Variants in SPRY3 observed in about 807,000 individuals in gnomAD.
SPRY3 encodes the protein protein sprouty homolog 3.
Under a neutral mutation model 20.2 loss-of-function variants are expected in SPRY3, and 15 were observed. The ratio of observed to expected loss-of-function variants is 0.74; its 90% CI spans 0.50 to 1.14. The LOEUF (loss-of-function observed/expected upper bound fraction) is 1.14. Among genes scored for constraint, SPRY3 ranks in the 50% most tolerant of loss-of-function variants. The pLI, the probability that SPRY3 is intolerant of heterozygous loss-of-function variation, is 0.00. For missense variants in SPRY3, 364 were observed against 363.9 expected, an observed-to-expected ratio of 1.00 and a Z score of 0.00; for synonymous variants, 143 against 136.5, an observed-to-expected ratio of 1.05 and a Z score of -0.33.
downstream of SPRY3, chrX:155,779,526 CA>C (rs1412366822): frequency 6.0e-6 from 1 of 166,868 alleles, no homozygotes; most frequent in Non-Finnish European, 1.5e-5. Flanking sequence ...AACAAACTCT[CA>C]AAATATCTTT....
At chrX:155,739,561 G>T (rs968903000) in intron 2 of SPRY3, among the ~76,000 whole-genome samples, 1 of 152,184 alleles carries the variant, frequency 6.6e-6, no homozygotes, top group Non-Finnish European at 1.5e-5. Context: ...GGAGTGTTCA[G>T]ACCAGCATCA....
At chrX:155,626,966 T>TA (rs1370384872) in intron 1 of SPRY3, among the ~76,000 whole-genome samples, 2 of 111,872 alleles carry the variant, frequency 1.8e-5, no homozygotes, top group African/African-American at 6.5e-5. Flanking sequence ...AAATGACAGA[T>TA]AAAATTATAT....
At chrX:155,772,916 T>G (rs1293189148) in intron 3 of SPRY3, among the ~76,000 whole-genome samples, 2 of 152,094 alleles carry the variant, frequency 1.3e-5, no homozygotes, top group Non-Finnish European at 2.9e-5. Context: ...CTTAGGATAG[T>G]AATAGGTATA....
intron 2 of SPRY3, among the ~76,000 whole-genome samples, chrX:155,672,982 G>A (rs1490362763): frequency 1.4e-3 from 134 of 96,853 alleles, no homozygotes; most frequent in Non-Finnish European, 2.3e-3. Flanking sequence ...ACCAAACACC[G>A]CATGTTCTCA....
At chrX:155,727,063 G>C (rs1295203437) in intron 2 of SPRY3, among the ~76,000 whole-genome samples, 1 of 151,976 alleles carries the variant, frequency 6.6e-6, no homozygotes, top group Non-Finnish European at 1.5e-5. Context: ...CACTTATAAA[G>C]CTTAGTTTGG....
At chrX:155,613,167 T>C (rs1429416731) in intron 1 of SPRY3, among the ~76,000 whole-genome samples, 1 of 112,268 alleles carries the variant, frequency 8.9e-6, no homozygotes, top group South Asian at 3.7e-4. Flanking sequence ...GCCTGCCATT[T>C]CAGTGCTCCT....
chrX:155,727,314 G>A (rs762676017), intron 2 of SPRY3, among the ~76,000 whole-genome samples: 59 of 152,152 alleles, frequency 3.9e-4, no homozygotes, highest in South Asian at 3.3e-3. Context: ...TATCTTTGTG[G>A]TGTTCTCTGT....
At chrX:155,778,241 G>A (rs1241936429), downstream of SPRY3, 3 of 167,040 alleles carry the variant, frequency 1.8e-5, no homozygotes, top group Non-Finnish European at 4.4e-5. Flanking sequence ...AGCCTCAAAT[G>A]GTGAATAATT....
intron 2 of SPRY3, among the ~76,000 whole-genome samples, chrX:155,695,755 T>C (rs2068116600): frequency 9.0e-6 from 1 of 111,526 alleles, no homozygotes; most frequent in Non-Finnish European, 1.9e-5. Context: ...TAAGCCCATC[T>C]AATGAAGTTT....
At chrX:155,767,665 G>C (rs926064795) in intron 2 of SPRY3, 1 of 148,044 alleles carries the variant, frequency 6.8e-6, no homozygotes, top group African/African-American at 2.5e-5. Context: ...GGAGGAGGAG[G>C]AGAAGGGGGA....
Position 155,765,689 on chromosome X carries a change from C to G in SPRY3, c.-281-2273C>G, listed in dbSNP as rs901185500. On this transcript the variant is annotated intron_variant, in intron 2 of 3. Transcript: ENST00000675360. ...TAATCCCAATTGTTTTCATTGTTGC[C>G]TTAATATAGGCCCACAGAGTAAAGG... 7.7e-4 allele frequency among the ~76,000 whole-genome samples: 117 copies of G among 152,200 alleles called. 1 individual carries two copies. Among genetic ancestry groups the G allele is most frequent in the Middle Eastern group, 3.4e-3 (1 of 294 alleles).
chrX:155,673,069 G>C (rs1231193406), intron 2 of SPRY3, among the ~76,000 whole-genome samples: 1 of 23,215 alleles, frequency 4.3e-5, no homozygotes, highest in Middle Eastern at 0.029. Context: ...CTGTTGTGGG[G>C]TGGGGTGAGG....
chrX:155,669,789 T>C (rs1229082793), intron 2 of SPRY3: 40 of 111,177 alleles, frequency 3.6e-4, no homozygotes, highest in Non-Finnish European at 2.3e-4. Flanking sequence ...TCTATTTTCA[T>C]TCTTTAAGGA....
At chrX:155,613,330 G>A (rs2124513783) in intron 1 of SPRY3, among the ~76,000 whole-genome samples, 1 of 111,226 alleles carries the variant, frequency 9.0e-6, no homozygotes, top group South Asian at 3.8e-4. Flanking sequence ...TGAACCCAGG[G>A]TCCAGATACA....
intron 2 of SPRY3, among the ~76,000 whole-genome samples, chrX:155,714,845 T>C (rs1177047437): frequency 6.6e-6 from 1 of 151,994 alleles, no homozygotes; most frequent in Non-Finnish European, 1.5e-5. Flanking sequence ...GGAGCCTCTC[T>C]CTGTGGCCAC....
exon 4 of SPRY3, chrX:155,774,827 T>C: frequency 1.4e-6 from 2 of 1,441,898 alleles, no homozygotes; most frequent in Non-Finnish European, 1.9e-6. Flanking sequence ...GGAGGAGTGA[T>C]AAACTAGCCA....
intron 2 of SPRY3, among the ~76,000 whole-genome samples, chrX:155,659,101 TTTC>T (rs1305559893): frequency 1.0e-5 from 1 of 99,617 alleles, no homozygotes; most frequent in Non-Finnish European, 2.0e-5. Context: ...TCTTTTTTTC[TTTC>T]TTCTTTCTTT....
intron 2 of SPRY3, among the ~76,000 whole-genome samples, chrX:155,722,741 A>G (rs2091068354): frequency 6.6e-6 from 1 of 152,144 alleles, no homozygotes; most frequent in Non-Finnish European, 1.5e-5. Context: ...GGCTGAATGG[A>G]TAAAAAAAGT....
At chrX:155,745,750 A>G (rs1444418847) in intron 2 of SPRY3, among the ~76,000 whole-genome samples, 1 of 152,106 alleles carries the variant, frequency 6.6e-6, no homozygotes, top group Non-Finnish European at 1.5e-5. Flanking sequence ...TTTACCTTGC[A>G]TAATGCTTGG....
Sources: gnomAD v4.1 joint callset for allele counts (sites outside exome capture counted in the v4.1 genomes callset) on GRCh38, gnomAD v4.1.1 for gene constraint, MANE v1.5 for transcripts, NCBI Gene and HGNC (gene_info 2026-07-23, HGNC 2026-07-21) for gene names.